NCOR2: variants seen among roughly 807,000 people sequenced by gnomAD.
NCOR2 encodes the protein CTG repeat protein 26.
A neutral mutation model predicts 262.9 loss-of-function variants in NCOR2; 81 were observed. The ratio of observed to expected loss-of-function variants is 0.31; its 90% CI spans 0.26 to 0.37. The LOEUF is 0.37. NCOR2 is among the 10% of genes least tolerant of loss of function. The pLI, the probability that NCOR2 is intolerant of heterozygous loss-of-function variation, is 1.00. For synonymous variants in NCOR2, 1,659 were observed against 1,559.3 expected, an observed-to-expected ratio of 1.06 and a Z score of -1.51; for missense variants, 3,385 against 3,621.4, an observed-to-expected ratio of 0.93 and a Z score of 1.68.
intron 6 of NCOR2, among the ~76,000 whole-genome samples, chr12:124,452,533 C>T (rs1284685337): frequency 1.3e-5 from 2 of 152,204 alleles, no homozygotes; most frequent in African/African-American, 4.8e-5. Context: ...TTGGATAGCC[C>T]AGAAAATTTC....
chr12:124,444,603 T>G (rs1050055230), intron 7 of NCOR2, among the ~76,000 whole-genome samples: 1 of 151,926 alleles, frequency 6.6e-6, no homozygotes, highest in Non-Finnish European at 1.5e-5. Context: ...AGCCCTGGGT[T>G]CTAGGGAGGG....
rs1042751567 is a variant in NCOR2 at position 124,503,589 on chromosome 12, C to CGGAT, written c.-117-8225_-117-8222dup. On this transcript the variant is annotated intron_variant, in intron 1 of 46. Coordinates refer to the NCOR2 transcript ENST00000404621. This position sits in a 1 kb window ranked among gnomAD's most constrained non-coding sequence, Gnocchi z 4.3. The stretch of plus-strand genomic sequence containing the variant: ...GATAGATGGAAGACGGACGGATGGA[C>CGGAT]GGATGGATGGATGGACGGACGGACG... 0.016 allele frequency among the ~76,000 whole-genome samples: 2,115 copies of CGGAT among 133,828 alleles called. 55 individuals are homozygous for CGGAT. Among genetic ancestry groups the CGGAT allele is most frequent in the African/African-American group, 0.058 (1,982 of 34,028 alleles). 87.8% of individuals were successfully genotyped at this position (133,828 alleles called of 152,430 possible). A position where few individuals can be genotyped will look rare whatever the true frequency, so the allele number is the denominator to read the frequency against.
exon 47 of NCOR2, chr12:124,325,520 G>A: frequency 7.4e-7 from 1 of 1,358,038 alleles, no homozygotes; most frequent in Non-Finnish European, 9.5e-7. Context: ...CGGTGGGGGT[G>A]GGGAAGCCAT....
intron 16 of NCOR2, among the ~76,000 whole-genome samples, chr12:124,393,068 C>T (rs1593347687): frequency 6.6e-6 from 1 of 152,386 alleles, no homozygotes; most frequent in South Asian, 2.1e-4. Flanking sequence ...CTCCCAACCC[C>T]CTCCACAGCA....
Position 124,566,550 on chromosome 12 carries a change from A to G in NCOR2, c.-165+758T>C, listed in dbSNP as rs1566066467. ...GGCCTCTGAGGAAGCTGCCCTCTAG[A>G]CAAGGGTCTGGGTCTTCCCAGTCGT... is the stretch of plus-strand genomic sequence containing the variant. On this transcript the variant is annotated intron_variant, in intron 1 of 32. Coordinates refer to the NCOR2 transcript ENST00000458234. The surrounding 1 kb of genome is among the most constrained non-coding windows in gnomAD (Gnocchi z 4.3). Among the ~76,000 whole-genome samples the G allele has an allele frequency of 1.3e-5, 2 of 152,208 alleles. No homozygotes were observed. The highest frequency in any genetic ancestry group is 2.1e-4 in the South Asian group (1 of 4,836).
At chr12:124,502,892 C>T (rs1242955579) in intron 1 of NCOR2, among the ~76,000 whole-genome samples, 1 of 152,124 alleles carries the variant, frequency 6.6e-6, no homozygotes, top group Non-Finnish European at 1.5e-5. Flanking sequence ...ATTGTCAGGG[C>T]CCTAGAGAAA....
At chr12:124,413,970 C>T (rs755332741) in intron 13 of NCOR2, among the ~76,000 whole-genome samples, 18 of 151,624 alleles carry the variant, frequency 1.2e-4, no homozygotes, top group Non-Finnish European at 2.4e-4. Context: ...AGGGTGTCTC[C>T]ACAGCACAGA....
intron 3 of NCOR2, among the ~76,000 whole-genome samples, chr12:124,479,248 A>G (rs922426947): frequency 4.6e-5 from 7 of 152,058 alleles, no homozygotes; most frequent in Non-Finnish European, 7.4e-5. Context: ...ACATGCACAC[A>G]CACGCACACA....
chr12:124,429,857 G>A, intron 9 of NCOR2, 151 bp from the exon 12 acceptor site: 1 of 715,942 alleles, frequency 1.4e-6, no homozygotes. Context: ...CCGGGGTCCT[G>A]GGGAGGCATG....
intron 31 of NCOR2, among the ~76,000 whole-genome samples, chr12:124,346,033 G>A (rs1298275711): frequency 2.0e-5 from 3 of 152,178 alleles, no homozygotes; most frequent in African/African-American, 7.2e-5. Context: ...ACCTGCTGGT[G>A]GGTGCAGTGG....
chr12:124,336,766 T>C lies in NCOR2; in HGVS notation c.6102A>G (p.Glu2034=), dbSNP rs200635294. ...GGGTGGTCTTACCCAGAGAACGGAG[T>C]TCCAGTTCCTGGATGGAAAAGGGTT... The change falls in exon 38 of 47, where the codon GAA becomes GAG. Residue 2034 remains glutamate (E), a synonymous_variant. Transcript: ENST00000405201. 3.8e-4 allele frequency: 615 copies of C among 1,613,102 alleles called. 1 individual carries two copies. Among genetic ancestry groups the C allele is most frequent in the Non-Finnish European group, 4.9e-4 (575 of 1,179,690 alleles).
chr12:124,419,462 T>C (rs371553496), intron 13 of NCOR2, among the ~76,000 whole-genome samples: 1 of 152,234 alleles, frequency 6.6e-6, no homozygotes, highest in East Asian at 1.9e-4. Flanking sequence ...AAATAATCTT[T>C]CAGTCTCATC....
chr12:124,345,323 C>T (rs1333175543), intron 31 of NCOR2, among the ~76,000 whole-genome samples: 2 of 152,160 alleles, frequency 1.3e-5, no homozygotes, highest in Admixed American at 1.3e-4. Flanking sequence ...TGGGACCCTC[C>T]ATGGCCCACC....
exon 27 of NCOR2, chr12:124,354,126 G>C (rs1384812285): frequency 6.2e-7 from 1 of 1,610,590 alleles, no homozygotes; most frequent in Non-Finnish European, 8.5e-7. Flanking sequence ...TGATGGCGCT[G>C]TCCGAGGGCA....
chr12:124,419,926 C>A lies in NCOR2; in HGVS notation c.1482+31G>T, dbSNP rs1332593614. On this transcript the variant is annotated intron_variant, in intron 13 of 46. Coordinates refer to ENST00000405201, the Ensembl canonical transcript of NCOR2. Reference sequence around the variant, plus strand: ...GGCCGCTGAGCATGCAGGGAGCCTGCAAGGACAGTCACCCCCACCTTGCCT... The same window carrying A: ...GGCCGCTGAGCATGCAGGGAGCCTGAAAGGACAGTCACCCCCACCTTGCCT... The A allele has an allele frequency of 1.9e-6, 3 of 1,593,816 alleles. No individual in the cohort carries two copies. In the East Asian group the frequency reaches 6.7e-5, roughly 36 times the overall value.
chr12:124,559,887 G>A lies in NCOR2; in HGVS notation c.-165+7421C>T, dbSNP rs78648573. ...AACGACGCAGTGCCACAGAGTAGGT[G>A]CTACAGCAACTATATACCACTCTAA... On this transcript the variant is annotated intron_variant, in intron 1 of 32. Transcript: ENST00000458234. Among the ~76,000 whole-genome samples the A allele has an allele frequency of 1.6e-4, 25 of 152,322 alleles. No individual in the cohort carries two copies. The East Asian group carries it at 4.8e-3, about 29-fold the overall frequency.
chr12:124,441,282 A>C (rs1456636817), intron 7 of NCOR2, among the ~76,000 whole-genome samples: 3 of 152,222 alleles, frequency 2.0e-5, no homozygotes. Context: ...AACAAAAGTC[A>C]AAAGGACACA....
chr12:124,324,696 GAATT>G (rs1373155642), exon 47 of NCOR2: 3 of 152,494 alleles, frequency 2.0e-5, no homozygotes, highest in Non-Finnish European at 4.4e-5. Context: ...TAAAACATCT[GAATT>G]AATTCATTGA....
intron 1 of NCOR2, among the ~76,000 whole-genome samples, chr12:124,552,531 C>T (rs923062637): frequency 4.6e-5 from 7 of 152,288 alleles, no homozygotes; most frequent in African/African-American, 7.2e-5. Context: ...ATGGTAGGAA[C>T]GCAGCCATTG....
Sources: gnomAD v4.1 joint callset for allele counts (sites outside exome capture counted in the v4.1 genomes callset) on GRCh38, gnomAD v4.1.1 for gene constraint, Gnocchi (gnomAD v3.1) non-coding constraint, MANE v1.5 for transcripts, NCBI Gene and HGNC (gene_info 2026-07-23, HGNC 2026-07-21) for gene names.